GLIS3: variants seen among roughly 807,000 people sequenced by gnomAD.
GLIS3 encodes the protein zinc finger protein GLIS3.
Under a neutral mutation model 78.6 loss-of-function variants are expected in GLIS3, and 53 were observed. That is an observed-to-expected ratio of 0.67 (90% CI 0.54 to 0.85). The LOEUF is 0.85. GLIS3 is among the 40% of genes least tolerant of loss of function. The pLI is 0.00. For synonymous variants in GLIS3, 684 were observed against 509.9 expected (o/e 1.34, Z -4.60); for missense variants, 1,703 against 1,231.1 (o/e 1.38, Z -5.74).
chr9:3,864,165 A>T (rs944264221), intron 8 of GLIS3, among the ~76,000 whole-genome samples: 2 of 152,186 alleles, frequency 1.3e-5, no homozygotes, highest in Non-Finnish European at 2.9e-5. Context: ...ATCTGCAATG[A>T]TATCATCTCT....
intron 2 of GLIS3, among the ~76,000 whole-genome samples, chr9:4,175,392 C>A (rs1015600263): frequency 6.6e-6 from 1 of 152,178 alleles, no homozygotes; most frequent in Non-Finnish European, 1.5e-5. Flanking sequence ...GAAATGTCTC[C>A]TTCTCCACAG....
At chr9:4,015,515 A>G (rs1450828723) in intron 4 of GLIS3, among the ~76,000 whole-genome samples, 1 of 152,216 alleles carries the variant, frequency 6.6e-6, no homozygotes, top group Admixed American at 6.5e-5. Flanking sequence ...CATGAAGCTG[A>G]GAACACCCTC....
chr9:3,998,947 G>A (rs1820934723), intron 4 of GLIS3, among the ~76,000 whole-genome samples: 1 of 151,306 alleles, frequency 6.6e-6, no homozygotes, highest in African/African-American at 2.4e-5. Context: ...ACTTCTTTTT[G>A]CAAAATTAAG....
At chr9:4,128,497 A>C (rs902168611) in intron 2 of GLIS3, among the ~76,000 whole-genome samples, 1 of 152,260 alleles carries the variant, frequency 6.6e-6, no homozygotes, top group Non-Finnish European at 1.5e-5. Flanking sequence ...AGAATGAATG[A>C]AAGAAAACAA....
intron 4 of GLIS3, among the ~76,000 whole-genome samples, chr9:3,998,202 C>T (rs73388240): frequency 1.3e-5 from 2 of 152,122 alleles, no homozygotes; most frequent in South Asian, 4.1e-4. Flanking sequence ...TAATCCAGAT[C>T]TGGAAGTAGC....
At chr9:3,934,019 CTG>C (rs1353445327) in intron 5 of GLIS3, among the ~76,000 whole-genome samples, 1 of 152,200 alleles carries the variant, frequency 6.6e-6, no homozygotes, top group Non-Finnish European at 1.5e-5. Flanking sequence ...GTGCTGGGCA[CTG>C]TGTTTCAGAC....
At chr9:4,300,997 T>G (rs1817047596), upstream of GLIS3, among the ~76,000 whole-genome samples, 1 of 152,042 alleles carries the variant, frequency 6.6e-6, no homozygotes, top group African/African-American at 2.4e-5. Flanking sequence ...CAATATAAAT[T>G]AGCAATCAGG....
intron 2 of GLIS3, among the ~76,000 whole-genome samples, chr9:4,234,056 G>A (rs1563801035): frequency 6.6e-6 from 1 of 152,202 alleles, no homozygotes; most frequent in Non-Finnish European, 1.5e-5. Context: ...TCTGGATTAG[G>A]CTTTAGCTTG....
In GLIS3 at chr9:4,117,923, G is replaced by A; in HGVS notation, c.1555C>T (p.Arg519Trp). The A allele has an allele frequency of 6.2e-7, 1 of 1,614,128 alleles. No homozygotes were observed. Residue 519 changes from arginine to tryptophan, a missense_variant, in exon 4 of 11, where the codon CGG (arginine) becomes TGG (tryptophan). By Grantham distance (101) the Arg-to-Trp change is moderately radical. Transcript: ENST00000381971. ...TCGATGTGGACCTTCTCGATGTGCC[G>A]CACGAGCTCCTCCTGCTGGTCGTAC... Reference protein sequence around the residue: ...ALYDQQEELVRHIEKVHIDQR... With the variant: ...ALYDQQEELVWHIEKVHIDQR...
At chr9:4,223,132 G>A (rs1821476391) in intron 2 of GLIS3, among the ~76,000 whole-genome samples, 1 of 152,072 alleles carries the variant, frequency 6.6e-6, no homozygotes, top group African/African-American at 2.4e-5. Context: ...AGATAATCTG[G>A]TCCAAATTTT....
chr9:4,150,185 A>G (rs1360461830), intron 2 of GLIS3, among the ~76,000 whole-genome samples: 1 of 152,170 alleles, frequency 6.6e-6, no homozygotes, highest in Non-Finnish European at 1.5e-5. Context: ...CTAGAAACCA[A>G]CCTACCTTAA....
At chr9:4,364,907 C>T in the GLIS3 span, among the ~76,000 whole-genome samples, 1 of 151,900 alleles carries the variant, frequency 6.6e-6, no homozygotes, top group African/African-American at 2.4e-5. Flanking sequence ...CCTCAGCCTC[C>T]CAAGTAGCCA....
Position 3,828,166 on chromosome 9 carries a change from G to A in GLIS3, c.*106C>T, listed in dbSNP as rs141190446. 71 of 1,339,420 alleles carry A rather than the reference G, an allele frequency of 5.3e-5. No homozygotes were observed. The highest frequency in any genetic ancestry group is 2.4e-4 in the African/African-American group (17 of 69,734). 83.0% of individuals were successfully genotyped at this position (1,339,420 alleles called of 1,614,324 possible). A position where few individuals can be genotyped will look rare whatever the true frequency, so the allele number is the denominator to read the frequency against. On this transcript the variant is annotated 3_prime_UTR_variant, in exon 11 of 11. Coordinates refer to ENST00000381971, the MANE Select transcript of GLIS3 (RefSeq NM_001042413.2). ...GAACATCAGTAACTCTGCAGGGCCC[G>A]CTGATTGGGCTGACATCCTTCCTCA...
the GLIS3 span, among the ~76,000 whole-genome samples, chr9:4,440,650 T>A: frequency 6.6e-6 from 1 of 152,204 alleles, no homozygotes; most frequent in African/African-American, 2.4e-5. Flanking sequence ...TATTCAAGGT[T>A]TCTGTGGTTC....
intron 2 of GLIS3, among the ~76,000 whole-genome samples, chr9:4,157,835 T>A (rs1282088100): frequency 6.6e-6 from 1 of 152,222 alleles, no homozygotes; most frequent in Non-Finnish European, 1.5e-5. Flanking sequence ...AGCCTTTATG[T>A]GCAGTTAATT....
At chr9:4,419,115 T>C in the GLIS3 span, among the ~76,000 whole-genome samples, 2 of 152,168 alleles carry the variant, frequency 1.3e-5, no homozygotes, top group Non-Finnish European at 1.5e-5. Flanking sequence ...TCAGAATTAG[T>C]TCATGAGTTT....
At chr9:4,288,793 A>G (rs1828212173) in intron 1 of GLIS3, among the ~76,000 whole-genome samples, 1 of 152,214 alleles carries the variant, frequency 6.6e-6, no homozygotes. Context: ...CAACAGCCAG[A>G]AAGTAAAGTG....
intron 2 of GLIS3, among the ~76,000 whole-genome samples, chr9:4,344,683 T>G (rs1817876924): frequency 1.3e-5 from 2 of 152,230 alleles, no homozygotes; most frequent in South Asian, 4.1e-4. Flanking sequence ...TAGTTCACTG[T>G]TTCACTTGGA....
the GLIS3 span, among the ~76,000 whole-genome samples, chr9:4,405,676 C>T: frequency 6.6e-6 from 1 of 152,036 alleles, no homozygotes; most frequent in East Asian, 1.9e-4. Context: ...CCTACTCAAA[C>T]TGTTCTGAAA....
Sources: allele counts gnomAD v4.1 joint callset (sites outside exome capture counted in the v4.1 genomes callset), GRCh38; gene constraint gnomAD v4.1.1; transcripts MANE v1.5; gene names NCBI Gene and HGNC (gene_info 2026-07-23, HGNC 2026-07-21).